The following FOLR2 variants were observed in gnomAD, a reference collection of about 807,000 sequenced individuals.
The protein encoded by FOLR2 is folate receptor beta.
A neutral mutation model predicts 20.4 loss-of-function variants in FOLR2; 14 were observed. That is an observed-to-expected ratio of 0.68 (90% CI 0.45 to 1.07). The LOEUF is 1.07. Among genes scored for constraint, FOLR2 ranks in the 50% least tolerant of loss-of-function variants. The pLI is 0.00. For missense variants in FOLR2, 269 were observed against 322.6 expected (o/e 0.83, Z 1.27); for synonymous variants, 114 against 114.3 (o/e 1.00, Z 0.02).
chr11:72,218,853 G>A, intron 2 of FOLR2, 119 bp downstream of exon 2: 2 of 842,900 alleles, frequency 2.4e-6, no homozygotes, highest in Non-Finnish European at 3.7e-6. Flanking sequence ...GTTTTCCTGT[G>A]GGAGAAGATG....
At chr11:72,217,233 C>T in intron 1 of FOLR2, 1 of 546,844 alleles carries the variant, frequency 1.8e-6, no homozygotes, top group Non-Finnish European at 3.1e-6. Context: ...TCATGTTGGT[C>T]AGGCTGGTCT....
Position 72,216,828 on chromosome 11 carries a change from G to C in FOLR2, c.-122G>C. On this transcript the variant is annotated 5_prime_UTR_variant, in exon 1 of 5. Transcript: ENST00000298223. ...TGTCTACCCTGTACCGAAGACAGAG[G>C]CTGTGGGGACAGCCTAGGGGCCTGG... 1 of 1,511,048 alleles carries C rather than the reference G, an allele frequency of 6.6e-7. No homozygotes were observed. The highest frequency in any genetic ancestry group is 9.1e-7 in the Non-Finnish European group (1 of 1,100,214). The allele number at this position is 1,511,048 out of a possible 1,614,324, so 93.6% of individuals were successfully genotyped here.
Position 72,220,966 on chromosome 11 carries a change from T to C in FOLR2, c.247T>C (p.Cys83Arg). ...CCTGTACAACTTTAACTGGGACCAC[T>C]GCGGCAAGATGGAGCCCGCCTGCAA... ...SRLYNFNWDH[C>R]GKMEPACKRH... The change falls in exon 3 of 5, where the codon TGC becomes CGC. Residue 83 changes from cysteine (C) to arginine (R), a missense_variant. Coordinates refer to ENST00000298223, the MANE Select transcript of FOLR2 (RefSeq NM_000803.5). 6.2e-7 allele frequency: 1 copy of C among 1,613,966 alleles called. No homozygotes were observed. Among genetic ancestry groups the C allele is most frequent in the Non-Finnish European group, 8.5e-7 (1 of 1,179,898 alleles).
At position 72,221,067 on chromosome 11, in the gene FOLR2, T is replaced by TCGGGGGGGGGGCCGCCCCCCC; in HGVS notation, c.339+10_339+11insGGGGGGGGGGCCGCCCCCCCC. The TCGGGGGGGGGGCCGCCCCCCC allele has an allele frequency of 6.4e-7, 1 of 1,570,114 alleles. No individual in the cohort carries two copies. The highest frequency in any genetic ancestry group is 8.7e-7 in the Non-Finnish European group (1 of 1,154,912). On this transcript the variant is annotated intron_variant, in intron 3 of 4. Coordinates refer to ENST00000298223, the MANE Select transcript of FOLR2 (RefSeq NM_000803.5). ...GGCCCTGGATCCAGCAGGTAGGGTG[T>TCGGGGGGGGGGCCGCCCCCCC]CTCCCCCCCACCCACCCCAGCAGAC...
Position 72,218,582 on chromosome 11 carries a change from G to C in FOLR2, c.-3G>C, listed in dbSNP as rs781135064. 6.2e-6 allele frequency: 10 copies of C among 1,612,932 alleles called. No individual in the cohort carries two copies. In the Admixed American group the frequency reaches 1.7e-4, roughly 27 times the overall value. On this transcript the variant is annotated 5_prime_UTR_variant, in exon 2 of 5. Coordinates refer to ENST00000298223, the MANE Select transcript of FOLR2 (RefSeq NM_000803.5). ...CTAGCTCCGCCTGCAGGGACAGAAAGACATGGTCTGGAAATGGATGCCACT... is the reference window on the plus strand; with the variant it reads ...CTAGCTCCGCCTGCAGGGACAGAAACACATGGTCTGGAAATGGATGCCACT...
rs760005265 is a variant in FOLR2, at chr11:72,220,829, G to T, written c.151-41G>T. On this transcript the variant is annotated intron_variant, in intron 2 of 4. Coordinates refer to ENST00000298223, the MANE Select transcript of FOLR2 (RefSeq NM_000803.5). ...GAGACACGAGGTGGCAGGAGGAGGA[G>T]GGTATGGGGAGGCACTTAGTCCTGT... The T allele has an allele frequency of 8.7e-6, 14 of 1,612,134 alleles. No homozygotes were observed. The Admixed American group carries it at 2.3e-4, about 27-fold the overall frequency.
At chr11:72,219,979 C>T (rs1948456479) in intron 2 of FOLR2, among the ~76,000 whole-genome samples, 1 of 151,962 alleles carries the variant, frequency 6.6e-6, no homozygotes, top group Non-Finnish European at 1.5e-5. Context: ...TCCCAAGTAG[C>T]TGGGGCACCC....
intron 4 of FOLR2, 32 bp downstream of exon 4, chr11:72,221,343 G>T: frequency 6.2e-7 from 1 of 1,608,308 alleles, no homozygotes; most frequent in Non-Finnish European, 8.5e-7. Context: ...TTAGGAAAAA[G>T]GAGATTGAGG....
chr11:72,219,143 T>C (rs973928303), intron 2 of FOLR2, among the ~76,000 whole-genome samples: 4 of 152,174 alleles, frequency 2.6e-5, no homozygotes, highest in Admixed American at 6.5e-5. Context: ...AGGAGTGGGT[T>C]AGGCTCCTCC....
chr11:72,218,668 C>T lies in FOLR2; in HGVS notation c.84C>T (p.Leu28=), dbSNP rs142137616. The T allele has an allele frequency of 8.8e-5, 142 of 1,613,028 alleles. No homozygotes were observed. The African/African-American group carries it at 1.7e-3, about 19-fold the overall frequency. The change falls in exon 2 of 5, where the codon CTC becomes CTT. Residue 28 remains leucine, a synonymous_variant. Transcript: ENST00000298223. ...GTGCCCAGGACAGGACTGATCTCCT[C>T]AATGTCTGTATGGATGCCAAGCACC... is the stretch of plus-strand genomic sequence containing the variant. ...MCSAQDRTDL[L]NVCMDAKHHK...
intron 2 of FOLR2, among the ~76,000 whole-genome samples, chr11:72,219,924 G>A (rs895518963): frequency 2.0e-5 from 3 of 150,210 alleles, no homozygotes; most frequent in Non-Finnish European, 3.0e-5. Flanking sequence ...CTCAGCTCAC[G>A]GCAACCTCCG....
chr11:72,218,466 AT>A, intron 1 of FOLR2, 94 bp from the exon 2 acceptor site: 1 of 1,130,250 alleles, frequency 8.8e-7, no homozygotes, highest in Non-Finnish European at 1.3e-6. Context: ...GTCTGACCTC[AT>A]TTGCCACCGT....
chr11:72,221,067 T>TCGGGGGGGCGCCCCCCCCCCCC lies in FOLR2; in HGVS notation c.339+10_339+11insGGGGGGGCGCCCCCCCCCCCCC. On this transcript the variant is annotated intron_variant, in intron 3 of 4. Coordinates refer to ENST00000298223, the MANE Select transcript of FOLR2 (RefSeq NM_000803.5). ...GGCCCTGGATCCAGCAGGTAGGGTG[T>TCGGGGGGGCGCCCCCCCCCCCC]CTCCCCCCCACCCACCCCAGCAGAC... is the stretch of plus-strand genomic sequence containing the variant. 2 of 1,570,106 alleles carry TCGGGGGGGCGCCCCCCCCCCCC rather than the reference T, an allele frequency of 1.3e-6. No homozygotes were observed. Among genetic ancestry groups the TCGGGGGGGCGCCCCCCCCCCCC allele is most frequent in the Non-Finnish European group, 1.7e-6 (2 of 1,154,912 alleles).
At position 72,221,156 on chromosome 11, in the gene FOLR2, C is replaced by T. The variant is rs377722879; in HGVS notation, c.340-20C>T. ...GCATCCCTGGCTGAGAGGAGCCCTG[C>T]CTCCCCACCTCCCACCCAGGTGAAT... On this transcript the variant is annotated intron_variant, in intron 3 of 4. Coordinates refer to ENST00000298223, the MANE Select transcript of FOLR2 (RefSeq NM_000803.5). The T allele has an allele frequency of 4.3e-4, 684 of 1,607,156 alleles. 2 individuals carry two copies. The highest frequency in any genetic ancestry group is 4.1e-4 in the Non-Finnish European group (487 of 1,177,362).
intron 2 of FOLR2, among the ~76,000 whole-genome samples, chr11:72,220,353 ACATTAC>A (rs2135402999): frequency 6.6e-6 from 1 of 152,300 alleles, no homozygotes; most frequent in Non-Finnish European, 1.5e-5. Context: ...CAGCAATTCC[ACATTAC>A]CATTTCCTGC....
chr11:72,217,747 T>G (rs1370646208), intron 1 of FOLR2, among the ~76,000 whole-genome samples: 1 of 152,166 alleles, frequency 6.6e-6, no homozygotes, highest in Non-Finnish European at 1.5e-5. Context: ...GATAAGTTCT[T>G]TAGTGGTGAT....
At chr11:72,221,084 C>A (rs780992606) in intron 3 of FOLR2, 26 bp downstream of exon 3, 3 of 1,552,036 alleles carry the variant, frequency 1.9e-6, no homozygotes, top group East Asian at 2.4e-5. Flanking sequence ...CCCACCCACC[C>A]CAGCAGACTG....
chr11:72,218,765 G>A, intron 2 of FOLR2, 31 bp downstream of exon 2: 1 of 1,589,892 alleles, frequency 6.3e-7, no homozygotes, highest in Middle Eastern at 1.7e-4. Flanking sequence ...TGCTAAGGAG[G>A]GGGCTTGTTC....
rs1455406808 is a variant in FOLR2 at position 72,221,550 on chromosome 11, C to T, written c.556C>T (p.Leu186Phe). ...FPTPAALCEGLWSHSYKVSNY... is the reference protein window; with the variant it reads ...FPTPAALCEGFWSHSYKVSNY... ...CACTCCAGCTGCCCTTTGTGAAGGC[C>T]TCTGGAGTCACTCATACAAGGTCAG... The change falls in exon 5 of 5, where the codon CTC (leucine) becomes TTC (phenylalanine). Residue 186 changes from leucine (L) to phenylalanine (F), a missense_variant. By Grantham distance (22) the Leu-to-Phe change is conservative (BLOSUM62 0). Transcript: ENST00000298223. The T allele has an allele frequency of 1.9e-6, 3 of 1,614,066 alleles. No homozygotes were observed. The highest frequency in any genetic ancestry group is 1.3e-5 in the African/African-American group (1 of 75,036).
Sources: allele counts gnomAD v4.1 joint callset (sites outside exome capture counted in the v4.1 genomes callset), GRCh38; gene constraint gnomAD v4.1.1; transcripts MANE v1.5; gene names NCBI Gene and HGNC (gene_info 2026-07-23, HGNC 2026-07-21).